Variants in CHCHD6 observed in about 807,000 individuals in gnomAD.
The protein encoded by CHCHD6 is MICOS complex subunit MIC25.
Under a neutral mutation model 32.3 loss-of-function variants are expected in CHCHD6, and 28 were observed. That is an observed-to-expected ratio of 0.87 (90% CI 0.64 to 1.19). The LOEUF is 1.19. Ranked by LOEUF, CHCHD6 falls within the 50% of genes most tolerant of loss-of-function variation. The probability of loss-of-function intolerance (pLI) is 0.00; values close to 1 mark genes in which losing one functional copy is unlikely to be tolerated. For missense variants in CHCHD6, 333 were observed against 307.0 expected (o/e 1.08, Z -0.63); for synonymous variants, 122 against 117.5 (o/e 1.04, Z -0.25).
chr3:126,737,571 G>T (rs114939973), intron 4 of CHCHD6, among the ~76,000 whole-genome samples: 1 of 152,002 alleles, frequency 6.6e-6, no homozygotes, highest in African/African-American at 2.4e-5. Context: ...ACCACATAGC[G>T]TTGCAAGGGT....
chr3:126,788,949 G>T (rs137886828), intron 4 of CHCHD6, among the ~76,000 whole-genome samples: 1 of 152,078 alleles, frequency 6.6e-6, no homozygotes, highest in Non-Finnish European at 1.5e-5. Flanking sequence ...GCTTTCTCTT[G>T]TGGGCATTTA....
chr3:126,820,177 C>A (rs1011437729), intron 4 of CHCHD6, among the ~76,000 whole-genome samples: 1 of 152,208 alleles, frequency 6.6e-6, no homozygotes, highest in African/African-American at 2.4e-5. Flanking sequence ...TTTCTTTGGC[C>A]TCTCTGGCCA....
intron 4 of CHCHD6, among the ~76,000 whole-genome samples, chr3:126,812,499 C>T (rs1018630708): frequency 6.6e-6 from 1 of 151,908 alleles, no homozygotes; most frequent in African/African-American, 2.4e-5. Context: ...TCTCGGCTTA[C>T]TGCAACCTCC....
At chr3:126,878,667 C>T (rs1258208856) in intron 5 of CHCHD6, among the ~76,000 whole-genome samples, 1 of 152,192 alleles carries the variant, frequency 6.6e-6, no homozygotes, top group Non-Finnish European at 1.5e-5. Flanking sequence ...TTGCCACCTT[C>T]GTAATTAATT....
intron 5 of CHCHD6, among the ~76,000 whole-genome samples, chr3:126,860,880 C>T (rs747815413): frequency 2.6e-5 from 4 of 152,180 alleles, no homozygotes; most frequent in Admixed American, 6.5e-5. Context: ...TAACCATTGA[C>T]CCAGTCCAGT....
At chr3:126,953,133 C>G in intron 6 of CHCHD6, 2 of 985,432 alleles carry the variant, frequency 2.0e-6, no homozygotes, top group Non-Finnish European at 2.4e-6. Context: ...TCCCCCATAC[C>G]TGATGCACCG....
intron 4 of CHCHD6, among the ~76,000 whole-genome samples, chr3:126,809,824 A>C (rs1459969595): frequency 6.6e-6 from 1 of 152,190 alleles, no homozygotes; most frequent in East Asian, 1.9e-4. Flanking sequence ...GTTTCACCAT[A>C]AATTTGATGT....
intron 5 of CHCHD6, among the ~76,000 whole-genome samples, chr3:126,863,438 T>C (rs1352454434): frequency 5.4e-4 from 21 of 38,666 alleles, no homozygotes; most frequent in East Asian, 9.9e-4. Context: ...TCCTCCACCA[T>C]CACCTCCTCC....
chr3:126,786,844 C>T (rs1349326427), intron 4 of CHCHD6, among the ~76,000 whole-genome samples: 1 of 151,922 alleles, frequency 6.6e-6, no homozygotes, highest in African/African-American at 2.4e-5. Context: ...TCCCATTTGT[C>T]AATTTTGGCT....
rs1039858419 is a variant in CHCHD6, at chr3:126,728,320, C to T, written c.196+1134C>T. Among the ~76,000 whole-genome samples, 17 of 152,176 alleles carry T rather than the reference C, an allele frequency of 1.1e-4. No individual in the cohort carries two copies. The East Asian group carries it at 1.9e-3, about 17-fold the overall frequency. Reference sequence around the variant, plus strand: ...AACACTGGAATCTGTACCAGGCTCACGGGAGAAGAGGGACTGTGAAAGGCA... The same window carrying T: ...AACACTGGAATCTGTACCAGGCTCATGGGAGAAGAGGGACTGTGAAAGGCA... On this transcript the variant is annotated intron_variant, in intron 2 of 7. Transcript: ENST00000290913.
intron 4 of CHCHD6, among the ~76,000 whole-genome samples, chr3:126,845,575 A>G (rs954310565): frequency 3.9e-5 from 6 of 152,270 alleles, no homozygotes; most frequent in Admixed American, 6.5e-5. Context: ...TGGGACTCCA[A>G]TTAAATATAT....
In CHCHD6 at chr3:126,929,281, T is replaced by C. The variant is rs1051078696; in HGVS notation, c.566+14531T>C. Among the ~76,000 whole-genome samples, 14 of 152,328 alleles carry C rather than the reference T, an allele frequency of 9.2e-5. No homozygotes were observed. The South Asian group carries it at 1.0e-3, about 11-fold the overall frequency. Reference sequence around the variant, plus strand: ...GAGCAGATAAGCAGCCAGAATGCAGTGCAGGCATCGTCTCTCTTGTCTGGT... The same window carrying C: ...GAGCAGATAAGCAGCCAGAATGCAGCGCAGGCATCGTCTCTCTTGTCTGGT... On this transcript the variant is annotated intron_variant, in intron 6 of 7. Coordinates refer to ENST00000290913, the MANE Select transcript of CHCHD6 (RefSeq NM_032343.3).
intron 6 of CHCHD6, among the ~76,000 whole-genome samples, chr3:126,936,445 G>A (rs575894114): frequency 7.6e-4 from 115 of 152,172 alleles, no homozygotes; most frequent in Admixed American, 7.1e-3. Flanking sequence ...AATACATATT[G>A]GATTTCAAAG....
Position 126,890,329 on chromosome 3 carries a change from G to C in CHCHD6, c.496-24351G>C, listed in dbSNP as rs1291854906. 5.3e-5 allele frequency among the ~76,000 whole-genome samples: 8 copies of C among 152,218 alleles called. No individual in the cohort carries two copies. The South Asian group carries it at 6.2e-4, about 12-fold the overall frequency. On this transcript the variant is annotated intron_variant, in intron 5 of 7. Transcript: ENST00000290913. Reference sequence around the variant, plus strand: ...GAGCCAGCTCTAGCCCCCATTGCTGGCTGCTGTGGTCCCTCAAGGCTCGGT... The same window carrying C: ...GAGCCAGCTCTAGCCCCCATTGCTGCCTGCTGTGGTCCCTCAAGGCTCGGT...
intron 5 of CHCHD6, among the ~76,000 whole-genome samples, chr3:126,872,924 G>A (rs1283003660): frequency 2.6e-5 from 4 of 152,304 alleles, no homozygotes; most frequent in South Asian, 2.1e-4. Flanking sequence ...TTGTGCTTAC[G>A]CAAGTTTCAG....
intron 1 of CHCHD6, among the ~76,000 whole-genome samples, chr3:126,723,251 C>T (rs1311269571): frequency 6.6e-6 from 1 of 151,902 alleles, no homozygotes; most frequent in East Asian, 1.9e-4. Context: ...ATTATTATTA[C>T]AATCTTTTGT....
At chr3:126,755,412 T>C (rs1576376481) in intron 4 of CHCHD6, among the ~76,000 whole-genome samples, 1 of 152,182 alleles carries the variant, frequency 6.6e-6, no homozygotes, top group Non-Finnish European at 1.5e-5. Context: ...CTTGGGGCTC[T>C]GGGTAACATC....
chr3:126,948,279 G>C (rs2078668126), intron 6 of CHCHD6, among the ~76,000 whole-genome samples: 1 of 152,238 alleles, frequency 6.6e-6, no homozygotes, highest in Admixed American at 6.5e-5. Flanking sequence ...CAATTAAGGT[G>C]TTGGTGGTCC....
At chr3:126,912,317 T>A (rs1479053883) in intron 5 of CHCHD6, among the ~76,000 whole-genome samples, 4 of 152,098 alleles carry the variant, frequency 2.6e-5, no homozygotes, top group Non-Finnish European at 4.4e-5. Context: ...TTGTTATGTC[T>A]CTGTCCCTAC....
Sources: allele counts gnomAD v4.1 joint callset (sites outside exome capture counted in the v4.1 genomes callset), GRCh38; gene constraint gnomAD v4.1.1; transcripts MANE v1.5; gene names NCBI Gene and HGNC (gene_info 2026-07-23, HGNC 2026-07-21).